The following MED15 variants were observed in gnomAD, a reference collection of about 807,000 sequenced individuals.
The protein encoded by MED15 is mediator complex subunit 15, also known as mediator of RNA polymerase II transcription subunit 15.
In MED15, 41 loss-of-function variants were observed where a neutral mutation model predicts 118.7. The ratio of observed to expected loss-of-function variants is 0.35; its 90% CI spans 0.27 to 0.45. The LOEUF (loss-of-function observed/expected upper bound fraction) is 0.45, where lower values mean the gene tolerates loss of function less well. Among genes scored for constraint, MED15 ranks in the 20% least tolerant of loss-of-function variants. MED15 has a pLI of 1.00. For missense variants in MED15, 740 were observed against 1,025.5 expected, an observed-to-expected ratio of 0.72 and a Z score of 3.80; for synonymous variants, 436 against 413.9, an observed-to-expected ratio of 1.05 and a Z score of -0.65.
intron 4 of MED15, chr22:20,554,321 T>G (rs1360913148): frequency 6.6e-6 from 1 of 152,566 alleles, no homozygotes; most frequent in African/African-American, 2.4e-5. Context: ...ATGGCATCCT[T>G]GTCCTTGGTT....
In MED15 at chr22:20,554,930, C is replaced by G; in HGVS notation, c.239-6C>G. The stretch of plus-strand genomic sequence containing the variant: ...CCTGAGAAGCTCTGCCCTTGTGTTC[C>G]CACAGATCCTATGAATGCACTCCAG... On this transcript the variant is annotated splice_polypyrimidine_tract_variant and splice_region_variant and intron_variant, in intron 4 of 17. Coordinates refer to ENST00000263205, the MANE Select transcript of MED15 (RefSeq NM_001003891.3). 1 of 1,596,846 alleles carries G rather than the reference C, an allele frequency of 6.3e-7. No individual in the cohort carries two copies.
chr22:20,507,639 G>A lies in MED15; in HGVS notation c.-40G>A. The A allele has an allele frequency of 3.7e-6, 6 of 1,613,054 alleles. No individual in the cohort carries two copies. The highest frequency in any genetic ancestry group is 5.1e-6 in the Non-Finnish European group (6 of 1,179,332). ...CTGTGACTGAGGCGGCGGCGGTGGCGGCCAAGCGGGATACGGGCGGCGGGA... is the reference window on the plus strand; with the variant it reads ...CTGTGACTGAGGCGGCGGCGGTGGCAGCCAAGCGGGATACGGGCGGCGGGA... On this transcript the variant is annotated 5_prime_UTR_variant, in exon 1 of 18. Coordinates refer to ENST00000263205, the MANE Select transcript of MED15 (RefSeq NM_001003891.3).
chr22:20,513,005 G>C (rs1316000171), intron 1 of MED15, among the ~76,000 whole-genome samples: 1 of 151,986 alleles, frequency 6.6e-6, no homozygotes, highest in African/African-American at 2.4e-5. Context: ...CTCCCAAAGT[G>C]CTGAGATTAC....
intron 1 of MED15, among the ~76,000 whole-genome samples, chr22:20,532,707 T>G (rs1360672679): frequency 6.6e-6 from 1 of 152,104 alleles, no homozygotes; most frequent in Non-Finnish European, 1.5e-5. Flanking sequence ...CAGGCAGCCT[T>G]GGGTTCTTTG....
intron 4 of MED15, among the ~76,000 whole-genome samples, chr22:20,553,826 G>A (rs1190048812): frequency 6.6e-6 from 1 of 152,160 alleles, no homozygotes; most frequent in African/African-American, 2.4e-5. Flanking sequence ...AGTTGAGATC[G>A]TGCCACTGCA....
At chr22:20,527,956 C>CAAAAAA (rs763536363) in intron 1 of MED15, among the ~76,000 whole-genome samples, 1 of 94,592 alleles carries the variant, frequency 1.1e-5, no homozygotes, top group Non-Finnish European at 2.2e-5. Flanking sequence ...GACTCCGTCT[C>CAAAAAA]AAAAAAAAAA....
intron 1 of MED15, chr22:20,518,900 T>C: frequency 2.2e-6 from 1 of 453,458 alleles, no homozygotes; most frequent in Non-Finnish European, 4.4e-6. Context: ...TCACTCAGGC[T>C]GAAGTGCAGT....
At chr22:20,553,087 A>G (rs2055848535) in intron 3 of MED15, 58 bp from the exon 4 acceptor site, 6 of 1,528,270 alleles carry the variant, frequency 3.9e-6, no homozygotes, top group Non-Finnish European at 5.4e-6. Flanking sequence ...ACCCATGGAA[A>G]TATGTGGTTA....
At chr22:20,574,898 G>T in intron 8 of MED15, 1 of 650,162 alleles carries the variant, frequency 1.5e-6, no homozygotes, top group Non-Finnish European at 2.7e-6. Context: ...CAGCATTCTT[G>T]GCAAATCTTC....
At chr22:20,554,196 C>G (rs1478096377) in intron 4 of MED15, 1 of 152,330 alleles carries the variant, frequency 6.6e-6, no homozygotes, top group African/African-American at 2.4e-5. Flanking sequence ...ATCTGGGCCC[C>G]TTGGCATTGG....
chr22:20,529,586 G>A (rs543374210), intron 1 of MED15, among the ~76,000 whole-genome samples: 1 of 151,606 alleles, frequency 6.6e-6, no homozygotes, highest in Non-Finnish European at 1.5e-5. Context: ...ACCATGCCTG[G>A]CTAATTTTTG....
intron 8 of MED15, among the ~76,000 whole-genome samples, chr22:20,573,409 C>A (rs1167783926): frequency 6.6e-6 from 1 of 152,212 alleles, no homozygotes. Context: ...TGTGGCATTG[C>A]TGATTCACAG....
At chr22:20,568,870 C>T (rs115965022) in intron 8 of MED15, among the ~76,000 whole-genome samples, 144 of 152,274 alleles carry the variant, frequency 9.5e-4, no homozygotes, top group African/African-American at 3.1e-3. Flanking sequence ...CAGCTTTGCT[C>T]GGGCATCCTT....
intron 1 of MED15, among the ~76,000 whole-genome samples, chr22:20,510,403 A>G (rs562764910): frequency 1.3e-5 from 2 of 152,256 alleles, no homozygotes; most frequent in South Asian, 4.1e-4. Context: ...ACAAACAAAA[A>G]ACACACATTT....
At chr22:20,535,370 C>G (rs571308911) in intron 1 of MED15, among the ~76,000 whole-genome samples, 11 of 152,102 alleles carry the variant, frequency 7.2e-5, no homozygotes, top group Non-Finnish European at 1.3e-4. Context: ...TCTGTGATGT[C>G]TTTAAGAATC....
chr22:20,586,806 GT>G lies in MED15; in HGVS notation c.*104del. ...GCTTCCTTAGAGAGCCTGGGGTTAGGTTAGCTTTCCTGCTTTTATCTTCTGC... is the reference window on the plus strand; with the variant it reads ...GCTTCCTTAGAGAGCCTGGGGTTAGGTAGCTTTCCTGCTTTTATCTTCTGC... On this transcript the variant is annotated 3_prime_UTR_variant, in exon 18 of 18. Transcript: ENST00000263205. The G allele has an allele frequency of 6.7e-7, 1 of 1,493,476 alleles. No individual in the cohort carries two copies. The highest frequency in any genetic ancestry group is 9.0e-7 in the Non-Finnish European group (1 of 1,111,094). 92.5% of individuals were successfully genotyped at this position (1,493,476 alleles called of 1,614,324 possible). A position where few individuals can be genotyped will look rare whatever the true frequency, so the allele number is the denominator to read the frequency against.
chr22:20,559,177 G>A (rs1350180982), intron 5 of MED15, among the ~76,000 whole-genome samples: 1 of 151,956 alleles, frequency 6.6e-6, no homozygotes, highest in African/African-American at 2.4e-5. Context: ...AAAACAAAAA[G>A]GAAAAGAAAG....
chr22:20,536,495 G>T (rs1569191452), intron 1 of MED15, among the ~76,000 whole-genome samples: 1 of 152,168 alleles, frequency 6.6e-6, no homozygotes, highest in Non-Finnish European at 1.5e-5. Context: ...AAAATTGTTG[G>T]TAAATGGGTT....
At chr22:20,565,489 C>T (rs2056402006) in intron 6 of MED15, among the ~76,000 whole-genome samples, 1 of 152,194 alleles carries the variant, frequency 6.6e-6, no homozygotes, top group South Asian at 2.1e-4. Context: ...AGAAGTTGTT[C>T]AGCTTCCCAT....
Sources: allele counts gnomAD v4.1 joint callset (sites outside exome capture counted in the v4.1 genomes callset), GRCh38; gene constraint gnomAD v4.1.1; transcripts MANE v1.5; gene names NCBI Gene and HGNC (gene_info 2026-07-23, HGNC 2026-07-21).